TBC1D19: variants seen among roughly 807,000 people sequenced by gnomAD.
The protein encoded by TBC1D19 is TBC1 domain family member 19, also known as TBC1 domain family, member 19.
Under a neutral mutation model 89.0 loss-of-function variants are expected in TBC1D19, and 60 were observed. That is an observed-to-expected ratio of 0.67 (90% CI 0.55 to 0.84). TBC1D19 has a LOEUF of 0.84. Among genes scored for constraint, TBC1D19 ranks in the 40% least tolerant of loss-of-function variants. TBC1D19 has a pLI of 0.00. For missense variants in TBC1D19, 500 were observed against 610.8 expected (o/e 0.82, Z 1.91); for synonymous variants, 189 against 199.7 (o/e 0.95, Z 0.45).
the TBC1D19 span, among the ~76,000 whole-genome samples, chr4:26,835,573 C>A: frequency 1.1e-4 from 17 of 152,172 alleles, no homozygotes; most frequent in Admixed American, 2.6e-4. Flanking sequence ...ATCCTTGACT[C>A]CGTTTCCCAG....
chr4:26,740,394 CGTT>C (rs1225758785), intron 17 of TBC1D19, among the ~76,000 whole-genome samples: 2 of 152,138 alleles, frequency 1.3e-5, no homozygotes, highest in East Asian at 1.9e-4. Flanking sequence ...AATAAATGGC[CGTT>C]GTTGTTATAA....
chr4:26,685,648 A>G (rs999224130), intron 12 of TBC1D19, among the ~76,000 whole-genome samples: 1 of 152,242 alleles, frequency 6.6e-6, no homozygotes, highest in East Asian at 1.9e-4. Context: ...GCTCTACAGT[A>G]AGTGGAAATG....
intron 15 of TBC1D19, among the ~76,000 whole-genome samples, chr4:26,727,660 C>T (rs890544123): frequency 6.6e-6 from 1 of 152,152 alleles, no homozygotes; most frequent in South Asian, 2.1e-4. Flanking sequence ...AGCAAGGGTT[C>T]GTAACTTGCC....
intron 1 of TBC1D19, among the ~76,000 whole-genome samples, chr4:26,606,620 A>G (rs1741018936): frequency 6.6e-6 from 1 of 152,192 alleles, no homozygotes; most frequent in Non-Finnish European, 1.5e-5. Context: ...TTAGAAAGGT[A>G]GAGTTTTAAA....
chr4:26,734,262 T>G (rs1446215690), intron 15 of TBC1D19, among the ~76,000 whole-genome samples: 1 of 152,222 alleles, frequency 6.6e-6, no homozygotes, highest in East Asian at 1.9e-4. Context: ...TGTTTTAAAC[T>G]GAGGCTGAAC....
the TBC1D19 span, among the ~76,000 whole-genome samples, chr4:26,851,153 T>C: frequency 0.019 from 2,949 of 152,304 alleles, 105 homozygotes; most frequent in African/African-American, 0.067. Flanking sequence ...TGGCCTCAGA[T>C]TGAGTTACGC....
At chr4:26,810,851 C>T in the TBC1D19 span, among the ~76,000 whole-genome samples, 5 of 152,182 alleles carry the variant, frequency 3.3e-5, no homozygotes, top group Non-Finnish European at 5.9e-5. Context: ...CACCATACTA[C>T]ATGGGGTAGG....
chr4:26,844,531 C>T, the TBC1D19 span, among the ~76,000 whole-genome samples: 492 of 152,210 alleles, frequency 3.2e-3, 2 homozygotes, highest in African/African-American at 0.011. Flanking sequence ...TCTTCTCAAA[C>T]AAAATATATT....
chr4:26,753,339 C>T (rs967540327), intron 19 of TBC1D19, among the ~76,000 whole-genome samples: 5 of 152,064 alleles, frequency 3.3e-5, no homozygotes, highest in Admixed American at 3.3e-4. Context: ...ATCAGTAAGA[C>T]AGTCATTAGG....
Position 26,724,638 on chromosome 4 carries a change from T to C in TBC1D19, c.1084+4513T>C, listed in dbSNP as rs115127968. On this transcript the variant is annotated intron_variant, in intron 15 of 20. Coordinates refer to ENST00000264866, the MANE Select transcript of TBC1D19 (RefSeq NM_018317.4). ...ATCTAGAACCAAAAATAAAAACCCC[T>C]CTTTCAGTCTTTGCAGATTGGCTGG... Among the ~76,000 whole-genome samples the C allele has an allele frequency of 1.8e-3, 276 of 152,306 alleles. 1 individual carries two copies. Among genetic ancestry groups the C allele is most frequent in the African/African-American group, 6.3e-3 (261 of 41,552 alleles).
At chr4:26,770,352 G>A in the TBC1D19 span, among the ~76,000 whole-genome samples, 1 of 152,050 alleles carries the variant, frequency 6.6e-6, no homozygotes, top group African/African-American at 2.4e-5. Context: ...CATCAAGAAG[G>A]CATAGTGCTA....
intron 1 of TBC1D19, among the ~76,000 whole-genome samples, chr4:26,607,800 G>A (rs750930314): frequency 2.0e-5 from 3 of 152,174 alleles, no homozygotes; most frequent in Non-Finnish European, 2.9e-5. Context: ...TTTGTCGTGT[G>A]TTTGGGACAC....
intron 11 of TBC1D19, among the ~76,000 whole-genome samples, chr4:26,679,969 G>A (rs1713187332): frequency 6.6e-6 from 1 of 152,140 alleles, no homozygotes; most frequent in Admixed American, 6.5e-5. Context: ...GTCATGGATG[G>A]GACCAGGTGG....
chr4:26,622,250 T>A (rs959434456), intron 4 of TBC1D19, among the ~76,000 whole-genome samples: 3 of 151,980 alleles, frequency 2.0e-5, no homozygotes, highest in Admixed American at 6.6e-5. Context: ...ATAATAATAA[T>A]AATAATAAAG....
At chr4:26,632,249 C>G (rs1267597817) in intron 4 of TBC1D19, among the ~76,000 whole-genome samples, 1 of 151,928 alleles carries the variant, frequency 6.6e-6, no homozygotes. Context: ...ACCCTTCATG[C>G]AGTCAAAAAT....
chr4:26,698,640 G>A (rs1474997672), intron 13 of TBC1D19, among the ~76,000 whole-genome samples: 1 of 152,134 alleles, frequency 6.6e-6, no homozygotes, highest in Admixed American at 6.6e-5. Context: ...AACCAAAACA[G>A]CATGGTACTG....
At chr4:26,846,577 T>C in the TBC1D19 span, among the ~76,000 whole-genome samples, 13 of 152,182 alleles carry the variant, frequency 8.5e-5, no homozygotes, top group African/African-American at 2.2e-4. Context: ...ATATGGATAA[T>C]GTTTTTCATT....
At chr4:26,652,687 T>C (rs1386797996) in intron 7 of TBC1D19, among the ~76,000 whole-genome samples, 1 of 152,234 alleles carries the variant, frequency 6.6e-6, no homozygotes, top group Non-Finnish European at 1.5e-5. Context: ...GATGGTAGTT[T>C]GTATTTCTGT....
chr4:26,720,117 C>T lies in TBC1D19; in HGVS notation c.1076C>T (p.Pro359Leu), dbSNP rs753221692. ...LGLEEYAVFY[P>L]PNGVIPFHGF... ...CTGGAAGAATATGCTGTCTTTTACCCACCAAATGGTAAGAGTAATGCTATT... is the reference window on the plus strand; with the variant it reads ...CTGGAAGAATATGCTGTCTTTTACCTACCAAATGGTAAGAGTAATGCTATT... The change falls in exon 15 of 21, where the codon CCA (proline) becomes CTA (leucine). Residue 359 changes from proline (P) to leucine (L), a missense_variant. Pro to Leu is a moderately conservative substitution (Grantham distance 98). Around this residue, in one of 2 missense-constraint regions of TBC1D19, gnomAD observed 220 missense variants for 319.1 expected, o/e 0.69. Coordinates refer to ENST00000264866, the MANE Select transcript of TBC1D19 (RefSeq NM_018317.4). 6.2e-7 allele frequency: 1 copy of T among 1,601,616 alleles called. No homozygotes were observed. Among genetic ancestry groups the T allele is most frequent in the Admixed American group, 1.7e-5 (1 of 58,428 alleles).
Sources: gnomAD v4.1 joint callset for allele counts (sites outside exome capture counted in the v4.1 genomes callset) on GRCh38, gnomAD v4.1.1 for gene constraint, gnomAD v4.1.1 regional missense constraint, MANE v1.5 for transcripts, NCBI Gene and HGNC (gene_info 2026-07-23, HGNC 2026-07-21) for gene names.